The following SLC35F1 variants were observed in gnomAD, a reference collection of about 807,000 sequenced individuals.
SLC35F1 encodes the protein chromosome 6 open reading frame 169.
A neutral mutation model predicts 48.7 loss-of-function variants in SLC35F1; 14 were observed. That is an observed-to-expected ratio of 0.29 (90% CI 0.19 to 0.45). SLC35F1 has a LOEUF of 0.45. Among genes scored for constraint, SLC35F1 ranks in the 20% least tolerant of loss-of-function variants. The pLI is 1.00. For synonymous variants in SLC35F1, 190 were observed against 202.2 expected (o/e 0.94, Z 0.51); for missense variants, 404 against 500.0 (o/e 0.81, Z 1.83).
chr6:118,186,642 A>G (rs1281666578), intron 2 of SLC35F1, among the ~76,000 whole-genome samples: 1 of 152,198 alleles, frequency 6.6e-6, no homozygotes, highest in Non-Finnish European at 1.5e-5. Context: ...TTCAACATTC[A>G]TGGCATTCAT....
chr6:118,214,019 A>G (rs2114552969), intron 2 of SLC35F1, among the ~76,000 whole-genome samples: 1 of 152,338 alleles, frequency 6.6e-6, no homozygotes, highest in East Asian at 1.9e-4. Context: ...TCATGGCTAC[A>G]TTGGTATAGC....
chr6:118,119,131 G>A, intron 1 of SLC35F1, among the ~76,000 whole-genome samples: 1 of 152,028 alleles, frequency 6.6e-6, no homozygotes, highest in Non-Finnish European at 1.5e-5. Context: ...GTATTGCTCA[G>A]TGGTCATTCC....
rs1367008412 is a variant in SLC35F1 at position 118,040,436 on chromosome 6, T to G, written c.174-114009T>G. On this transcript the variant is annotated intron_variant, in intron 1 of 7. Transcript: ENST00000360388. ...GGGATGGATTATAGGAAAATTACAC[T>G]GCTATGGTAGAACTGGAAATTATCC... Among the ~76,000 whole-genome samples the G allele has an allele frequency of 2.0e-5, 3 of 152,294 alleles. No homozygotes were observed. The East Asian group carries it at 5.8e-4, about 30-fold the overall frequency.
At chr6:118,051,310 TG>T (rs1772387655) in intron 1 of SLC35F1, among the ~76,000 whole-genome samples, 4 of 152,206 alleles carry the variant, frequency 2.6e-5, no homozygotes, top group Non-Finnish European at 4.4e-5. Flanking sequence ...TTATTCAGTA[TG>T]CATTGATTCT....
intron 1 of SLC35F1, among the ~76,000 whole-genome samples, chr6:117,975,075 C>A (rs1478200360): frequency 6.6e-6 from 1 of 152,182 alleles, no homozygotes; most frequent in Non-Finnish European, 1.5e-5. Flanking sequence ...AAGTCAAGTC[C>A]ATTAGGAATC....
At chr6:118,246,610 G>C (rs991672112) in intron 3 of SLC35F1, among the ~76,000 whole-genome samples, 1 of 152,088 alleles carries the variant, frequency 6.6e-6, no homozygotes, top group Non-Finnish European at 1.5e-5. Context: ...TGGTTCTCTG[G>C]TCATTTTCAG....
chr6:118,073,926 A>G (rs1230778077), intron 1 of SLC35F1, among the ~76,000 whole-genome samples: 2 of 152,192 alleles, frequency 1.3e-5, no homozygotes, highest in African/African-American at 2.4e-5. Flanking sequence ...GATTTAAGGA[A>G]AGAAATATGG....
At chr6:118,050,892 T>C (rs1267642122) in intron 1 of SLC35F1, among the ~76,000 whole-genome samples, 1 of 151,900 alleles carries the variant, frequency 6.6e-6, no homozygotes, top group Non-Finnish European at 1.5e-5. Context: ...ACACAAGGAG[T>C]AGGGGGCTCC....
intron 1 of SLC35F1, among the ~76,000 whole-genome samples, chr6:117,975,107 T>A (rs1776689638): frequency 1.3e-5 from 2 of 152,246 alleles, no homozygotes; most frequent in Admixed American, 1.3e-4. Context: ...AGTTTTGCAA[T>A]CTCCATTTAT....
intron 1 of SLC35F1, among the ~76,000 whole-genome samples, chr6:117,932,855 C>T (rs894728706): frequency 1.4e-4 from 22 of 152,098 alleles, no homozygotes; most frequent in African/African-American, 4.8e-4. Context: ...TTCCAGGGCC[C>T]GTGAGCCAGC....
At chr6:118,053,742 G>A (rs1400554412) in intron 1 of SLC35F1, among the ~76,000 whole-genome samples, 1 of 151,956 alleles carries the variant, frequency 6.6e-6, no homozygotes, top group Non-Finnish European at 1.5e-5. Flanking sequence ...TCTTTTTAGG[G>A]TTTTTATTTT....
chr6:118,035,444 T>TAAAA lies in SLC35F1; in HGVS notation c.174-118993_174-118990dup, dbSNP rs374606375. Among the ~76,000 whole-genome samples the TAAAA allele has an allele frequency of 8.9e-5, 13 of 145,532 alleles. No homozygotes were observed. In the East Asian group the frequency reaches 2.7e-3, roughly 30 times the overall value. On this transcript the variant is annotated intron_variant, in intron 1 of 7. Coordinates refer to ENST00000360388, the MANE Select transcript of SLC35F1 (RefSeq NM_001029858.4). ...TAACATGATGAAACCCCATTTCTAC[T>TAAAA]AAAAAAAAAAACCCAAAAAATTAGC...
chr6:118,236,270 T>C (rs1775364335), intron 3 of SLC35F1, among the ~76,000 whole-genome samples: 1 of 152,140 alleles, frequency 6.6e-6, no homozygotes, highest in African/African-American at 2.4e-5. Context: ...AATTGCAAGT[T>C]TACCTTCGCT....
chr6:118,111,045 C>T (rs962169167), intron 1 of SLC35F1, among the ~76,000 whole-genome samples: 8 of 152,022 alleles, frequency 5.3e-5, no homozygotes, highest in African/African-American at 1.9e-4. Context: ...TAATTTTCTC[C>T]TCCCCCATAG....
intron 1 of SLC35F1, among the ~76,000 whole-genome samples, chr6:117,923,238 A>C (rs1775924745): frequency 6.6e-6 from 1 of 152,104 alleles, no homozygotes; most frequent in African/African-American, 2.4e-5. Context: ...CTTTCTTCTT[A>C]ATGTGCTGGC....
At chr6:118,064,099 A>G (rs1283222961) in intron 1 of SLC35F1, among the ~76,000 whole-genome samples, 2 of 152,210 alleles carry the variant, frequency 1.3e-5, no homozygotes, top group Non-Finnish European at 2.9e-5. Context: ...AGGAGGAGCA[A>G]GTCACATCTT....
At chr6:118,022,971 G>C (rs1268388411) in intron 1 of SLC35F1, among the ~76,000 whole-genome samples, 1 of 151,976 alleles carries the variant, frequency 6.6e-6, no homozygotes, top group Non-Finnish European at 1.5e-5. Flanking sequence ...TGTTAGCCAT[G>C]ATGGTCTCGA....
chr6:117,972,668 G>T (rs1259331074), intron 1 of SLC35F1, among the ~76,000 whole-genome samples: 1 of 152,152 alleles, frequency 6.6e-6, no homozygotes, highest in Non-Finnish European at 1.5e-5. Flanking sequence ...AAAACCATCA[G>T]ATCTCATAAG....
intron 4 of SLC35F1, among the ~76,000 whole-genome samples, chr6:118,270,372 G>A (rs951927920): frequency 1.3e-5 from 2 of 152,152 alleles, no homozygotes; most frequent in Admixed American, 1.3e-4. Context: ...GATGTGCCAG[G>A]AATAGGGCTT....
Sources: gnomAD v4.1 joint callset for allele counts (sites outside exome capture counted in the v4.1 genomes callset) on GRCh38, gnomAD v4.1.1 for gene constraint, MANE v1.5 for transcripts, NCBI Gene and HGNC (gene_info 2026-07-23, HGNC 2026-07-21) for gene names.